The following ITGA9 variants were observed in gnomAD, a reference collection of about 807,000 sequenced individuals.
ITGA9 encodes the protein integrin subunit alpha 9.
ITGA9 carries 56 observed loss-of-function variants against 127.8 expected under a neutral mutation model. The observed-to-expected ratio is 0.44, with a 90% CI of 0.35 to 0.55. The LOEUF (loss-of-function observed/expected upper bound fraction) is 0.55, where lower values mean the gene tolerates loss of function less well. Ranked by LOEUF, ITGA9 falls within the 20% of genes least tolerant of loss-of-function variation. The probability of loss-of-function intolerance (pLI) is 0.00; values close to 1 mark genes in which losing one functional copy is unlikely to be tolerated. For synonymous variants in ITGA9, 508 were observed against 514.5 expected, an observed-to-expected ratio of 0.99 and a Z score of 0.17; for missense variants, 1,196 against 1,347.1, an observed-to-expected ratio of 0.89 and a Z score of 1.76.
chr3:37,487,489 A>G (rs1698622962), intron 4 of ITGA9, among the ~76,000 whole-genome samples: 2 of 152,248 alleles, frequency 1.3e-5, no homozygotes, highest in Admixed American at 6.5e-5. Context: ...GTGGAATTAT[A>G]GACTACCTAA....
intron 23 of ITGA9, among the ~76,000 whole-genome samples, chr3:37,759,491 T>C (rs1478770765): frequency 6.6e-6 from 1 of 152,114 alleles, no homozygotes; most frequent in Admixed American, 6.5e-5. Flanking sequence ...CAATGATTCA[T>C]CAAATAAAGA....
chr3:37,553,950 C>T (rs1391670267), intron 15 of ITGA9, among the ~76,000 whole-genome samples: 1 of 152,134 alleles, frequency 6.6e-6, no homozygotes, highest in East Asian at 1.9e-4. Context: ...AGAGAAGTTG[C>T]TGATGTTGGT....
intron 12 of ITGA9, 131 bp from the exon 13 acceptor site, chr3:37,525,895 G>A: frequency 2.6e-6 from 2 of 762,272 alleles, no homozygotes; most frequent in Non-Finnish European, 4.8e-6. Flanking sequence ...TCATTGTATA[G>A]CCCAGACAGT....
At chr3:37,563,007 A>G (rs1236077949) in intron 15 of ITGA9, among the ~76,000 whole-genome samples, 1 of 148,160 alleles carries the variant, frequency 6.7e-6, no homozygotes, top group Non-Finnish European at 1.5e-5. Context: ...ATTTGTCTCC[A>G]TATCCCCAGC....
intron 1 of ITGA9, among the ~76,000 whole-genome samples, chr3:37,469,000 G>A (rs1034027773): frequency 6.6e-6 from 1 of 152,212 alleles, no homozygotes; most frequent in Non-Finnish European, 1.5e-5. Context: ...CCTGATTAGT[G>A]TTGTTTGGTA....
rs1340680106 is a variant in ITGA9 at position 37,629,493 on chromosome 3, TG to T, written c.1839+158del. 3.5e-5 allele frequency: 27 copies of T among 767,288 alleles called. No individual in the cohort carries two copies. In the East Asian group the frequency reaches 6.7e-4, roughly 19 times the overall value. 47.5% of individuals were successfully genotyped at this position (767,288 alleles called of 1,614,324 possible). A position where few individuals can be genotyped will look rare whatever the true frequency, so the allele number is the denominator to read the frequency against. On this transcript the variant is annotated intron_variant, in intron 16 of 27. Coordinates refer to ENST00000264741, the MANE Select transcript of ITGA9 (RefSeq NM_002207.3). The surrounding 1 kb of genome is among the most constrained non-coding windows in gnomAD (Gnocchi z 4.5). ...GGTCTCCCTTTTCTGATCTGCAAAA[TG>T]ATAAAATAAACAGTCTTAGGGGTTA...
chr3:37,610,754 A>G (rs17036721), intron 15 of ITGA9, among the ~76,000 whole-genome samples: 19,968 of 152,236 alleles, frequency 0.13, 1,753 homozygotes, highest in East Asian at 0.28. Context: ...TCCATCTGCC[A>G]GTATTTCCAC....
chr3:37,741,679 C>T (rs1696436620), intron 20 of ITGA9, 51 bp from the exon 21 acceptor site: 7 of 1,423,186 alleles, frequency 4.9e-6, no homozygotes, highest in Admixed American at 1.8e-5. Flanking sequence ...AAGCCCACTG[C>T]TGGACAGCTA....
At chr3:37,520,604 G>C (rs10510692) in intron 11 of ITGA9, among the ~76,000 whole-genome samples, 6,901 of 152,288 alleles carry the variant, frequency 0.045, 438 homozygotes, top group African/African-American at 0.15. Context: ...GGCATACATA[G>C]TCTGAGGGGC....
intron 17 of ITGA9, among the ~76,000 whole-genome samples, chr3:37,661,417 C>A (rs933156664): frequency 2.0e-5 from 3 of 152,148 alleles, no homozygotes; most frequent in African/African-American, 4.8e-5. Flanking sequence ...TACTTTTGGG[C>A]CCATAGCTGT....
At chr3:37,523,351 G>T (rs1227363098) in intron 11 of ITGA9, among the ~76,000 whole-genome samples, 170 bp from the exon 12 acceptor site, 1 of 152,006 alleles carries the variant, frequency 6.6e-6, no homozygotes, top group Non-Finnish European at 1.5e-5. Context: ...GGAGTGTGTG[G>T]CCTTCAACTG....
intron 18 of ITGA9, among the ~76,000 whole-genome samples, chr3:37,699,466 C>T (rs1304998429): frequency 6.6e-6 from 1 of 152,222 alleles, no homozygotes; most frequent in Non-Finnish European, 1.5e-5. Context: ...GCTGATCCTA[C>T]AGAGTATCTC....
At chr3:37,490,305 C>T (rs769766677) in intron 4 of ITGA9, among the ~76,000 whole-genome samples, 1 of 152,170 alleles carries the variant, frequency 6.6e-6, no homozygotes, top group Non-Finnish European at 1.5e-5. Flanking sequence ...AATGGAAAAT[C>T]AAAGAATAAG....
At chr3:37,462,988 A>G (rs1185817410) in intron 1 of ITGA9, among the ~76,000 whole-genome samples, 1 of 152,156 alleles carries the variant, frequency 6.6e-6, no homozygotes, top group African/African-American at 2.4e-5. Context: ...TACACTCTTT[A>G]GGGCCTATTC....
At position 37,608,417 on chromosome 3, in the gene ITGA9, TGACTC is replaced by T. The variant is rs554727568; in HGVS notation, c.1690-20769_1690-20765del. 5.7e-4 allele frequency among the ~76,000 whole-genome samples: 84 copies of T among 147,286 alleles called. 1 individual carries two copies. In the South Asian group the frequency reaches 0.017, roughly 30 times the overall value. ...AAACAAACATAGATTTAGTGGAAAA[TGACTC>T]AACCAAGTAAGATTTACAAAACAAA... On this transcript the variant is annotated intron_variant, in intron 15 of 27. Coordinates refer to ENST00000264741, the MANE Select transcript of ITGA9 (RefSeq NM_002207.3).
chr3:37,522,436 A>C (rs1461003839), intron 11 of ITGA9, among the ~76,000 whole-genome samples: 1 of 152,184 alleles, frequency 6.6e-6, no homozygotes, highest in Non-Finnish European at 1.5e-5. Context: ...TTAATGATGA[A>C]TAAGAAGTGA....
At chr3:37,516,503 T>A (rs1039245930) in intron 9 of ITGA9, among the ~76,000 whole-genome samples, 1 of 152,170 alleles carries the variant, frequency 6.6e-6, no homozygotes, top group African/African-American at 2.4e-5. Context: ...CAGTACCTGG[T>A]ACATAGGAGC....
chr3:37,637,010 G>A (rs1430378745), intron 16 of ITGA9, among the ~76,000 whole-genome samples: 3 of 152,188 alleles, frequency 2.0e-5, no homozygotes, highest in Admixed American at 6.5e-5. Context: ...TTTGGTACCA[G>A]TACCATGCTG....
rs765615015 is a variant in ITGA9, at chr3:37,777,398, C to G, written c.2548C>G (p.Gln850Glu). 2 of 1,614,038 alleles carry G rather than the reference C, an allele frequency of 1.2e-6. No individual in the cohort carries two copies. Among genetic ancestry groups the G allele is most frequent in the African/African-American group, 1.3e-5 (1 of 75,012 alleles). The part of the protein sequence containing the change: ...MFHVQEMVVG[Q>E]EKGNCSFQKN... ...GGCCTCTTTTCATTTGCAGGTGGGC[C>G]AAGAGAAGGGAAACTGCTCTTTCCA... Residue 850 changes from glutamine (Q) to glutamate (E), a missense_variant, in exon 24 of 28, where the codon CAA (glutamine) becomes GAA (glutamate). Coordinates refer to ENST00000264741, the MANE Select transcript of ITGA9 (RefSeq NM_002207.3).
Sources: gnomAD v4.1 joint callset for allele counts (sites outside exome capture counted in the v4.1 genomes callset) on GRCh38, gnomAD v4.1.1 for gene constraint, Gnocchi (gnomAD v3.1) non-coding constraint, MANE v1.5 for transcripts, NCBI Gene and HGNC (gene_info 2026-07-23, HGNC 2026-07-21) for gene names.